ABCB7: variants seen among roughly 807,000 people sequenced by gnomAD.
ABCB7 encodes the protein ATP binding cassette subfamily B member 7.
In ABCB7, 7 loss-of-function variants were observed where a neutral mutation model predicts 54.4. That is an observed-to-expected ratio of 0.13 (90% confidence interval 0.07 to 0.24). The LOEUF (loss-of-function observed/expected upper bound fraction) is 0.24, where lower values mean the gene tolerates loss of function less well. ABCB7 is among the 10% of genes least tolerant of loss of function. The pLI is 1.00. For missense variants in ABCB7, 356 were observed against 570.4 expected, an observed-to-expected ratio of 0.62 and a Z score of 3.83; for synonymous variants, 218 against 207.1, an observed-to-expected ratio of 1.05 and a Z score of -0.45.
intron 1 of ABCB7, among the ~76,000 whole-genome samples, chrX:75,121,155 G>A (rs753191398): frequency 9.1e-6 from 1 of 109,521 alleles, no homozygotes; most frequent in East Asian, 2.9e-4. Flanking sequence ...CAGGTATGGT[G>A]GCATGTGCCT....
intron 4 of ABCB7, among the ~76,000 whole-genome samples, chrX:75,096,783 A>G (rs746718879): frequency 3.1e-4 from 33 of 107,979 alleles, no homozygotes; most frequent in South Asian, 2.0e-3. Context: ...CTGGAATCCT[A>G]CTTTTTTTTT....
At chrX:75,143,939 A>C (rs983806894) in intron 1 of ABCB7, among the ~76,000 whole-genome samples, 2 of 111,289 alleles carry the variant, frequency 1.8e-5, no homozygotes, top group Non-Finnish European at 3.8e-5. Flanking sequence ...ATTTTTATTC[A>C]AATACCCATT....
chrX:75,057,413 A>T (rs1602327113), intron 15 of ABCB7, among the ~76,000 whole-genome samples: 1 of 106,349 alleles, frequency 9.4e-6, no homozygotes. Context: ...TTGGAGACAG[A>T]GTCTCGCTAT....
Position 75,156,010 on chromosome X carries a change from T to C in ABCB7, c.168+95A>G, listed in dbSNP as rs1192187247. ...CTCCCAGTTAGCCATGACTTTCTTC[T>C]TGGTGCTCTCTCTGCCCCGAGGTCA... On this transcript the variant is annotated intron_variant, in intron 1 of 15. Transcript: ENST00000373394. 4 of 1,012,178 alleles carry C rather than the reference T, an allele frequency of 4.0e-6. No individual in the cohort carries two copies. The African/African-American group carries it at 5.7e-5, about 14-fold the overall frequency. 83.4% of individuals were successfully genotyped at this position (1,012,178 alleles called of 1,213,427 possible).
At chrX:75,116,896 G>A (rs1392365808) in intron 1 of ABCB7, among the ~76,000 whole-genome samples, 2 of 110,256 alleles carry the variant, frequency 1.8e-5, no homozygotes, top group Admixed American at 1.9e-4. Flanking sequence ...AGTAATCTTG[G>A]GTCATCCTCA....
intron 6 of ABCB7, among the ~76,000 whole-genome samples, chrX:75,074,999 GA>G (rs201158248): frequency 1.8e-5 from 2 of 108,439 alleles, no homozygotes; most frequent in Non-Finnish European, 3.8e-5. Flanking sequence ...TTGAAACAGA[GA>G]AAAAAAAATA....
At chrX:75,054,206 T>C (rs776838126) in intron 15 of ABCB7, among the ~76,000 whole-genome samples, 1 of 112,297 alleles carries the variant, frequency 8.9e-6, no homozygotes, top group East Asian at 2.8e-4. Context: ...AAAGGACTTC[T>C]GTCACTTTTA....
At position 75,060,306 on chromosome X, in the gene ABCB7, C is replaced by A. The variant is rs1345827225; in HGVS notation, c.1960G>T (p.Val654Leu). The A allele has an allele frequency of 8.3e-7, 1 of 1,208,445 alleles. No individual in the cohort carries two copies. Among genetic ancestry groups the A allele is most frequent in the Non-Finnish European group, 1.1e-6 (1 of 892,582 alleles). Reference sequence around the variant, plus strand: ...AAAATAGAAGTTCTGTGTTTGACCACATCCTTCATGGCACCAAGAATAGTC... The same window carrying A: ...AAAATAGAAGTTCTGTGTTTGACCAAATCCTTCATGGCACCAAGAATAGTC... ...EETILGAMKD[V>L]VKHRTSIFIA... The change falls in exon 15 of 16, where the codon GTG (valine) becomes TTG (leucine). Residue 654 changes from valine (V) to leucine (L), a missense_variant. Transcript: ENST00000373394.
chrX:75,098,818 C>T (rs1397301982), intron 4 of ABCB7, 124 bp downstream of exon 4: 1 of 832,959 alleles, frequency 1.2e-6, no homozygotes, highest in Non-Finnish European at 1.8e-6. Flanking sequence ...ATTATGTAAA[C>T]TAAATGAGGG....
chrX:75,103,746 CCTT>C (rs1429486022), intron 3 of ABCB7, among the ~76,000 whole-genome samples: 1 of 110,275 alleles, frequency 9.1e-6, no homozygotes, highest in African/African-American at 3.3e-5. Flanking sequence ...AGTGGGATTG[CCTT>C]CTTCATTTTC....
chrX:75,068,029 A>G (rs1488548864), intron 12 of ABCB7, among the ~76,000 whole-genome samples: 1 of 111,819 alleles, frequency 8.9e-6, no homozygotes, highest in Non-Finnish European at 1.9e-5. Flanking sequence ...TATGAGATAC[A>G]TATAGATAGT....
intron 6 of ABCB7, among the ~76,000 whole-genome samples, chrX:75,074,210 T>A (rs2081388386): frequency 9.0e-6 from 1 of 111,169 alleles, no homozygotes; most frequent in Non-Finnish European, 1.9e-5. Context: ...ACAAAAAGCC[T>A]AAAGAGGAAT....
At chrX:75,141,449 AT>A (rs1482138705) in intron 1 of ABCB7, among the ~76,000 whole-genome samples, 3 of 110,408 alleles carry the variant, frequency 2.7e-5, no homozygotes, top group African/African-American at 6.6e-5. Flanking sequence ...GGCCTACTGA[AT>A]TTTTTAGACT....
At chrX:75,137,410 A>G (rs1223743744) in intron 1 of ABCB7, among the ~76,000 whole-genome samples, 1 of 112,479 alleles carries the variant, frequency 8.9e-6, no homozygotes, top group Admixed American at 9.4e-5. Context: ...GAGAAAAAGG[A>G]CCATTTATAT....
chrX:75,145,190 A>G (rs952468426), intron 1 of ABCB7, among the ~76,000 whole-genome samples: 1 of 111,403 alleles, frequency 9.0e-6, no homozygotes, highest in Non-Finnish European at 1.9e-5. Context: ...TACTGAAACT[A>G]TTCCAAAAAA....
At chrX:75,104,066 T>TTTTTTTG (rs2081666648) in intron 3 of ABCB7, among the ~76,000 whole-genome samples, 1 of 71,828 alleles carries the variant, frequency 1.4e-5, no homozygotes, top group African/African-American at 5.8e-5. Flanking sequence ...TTTTTTTTTT[T>TTTTTTTG]TTTTTTTTTT....
intron 4 of ABCB7, among the ~76,000 whole-genome samples, chrX:75,077,825 A>C (rs1438341593): frequency 9.0e-6 from 1 of 111,360 alleles, no homozygotes; most frequent in East Asian, 2.8e-4. Context: ...TCCAAAATCT[A>C]ATAGAATATA....
chrX:75,069,212 AT>A, intron 11 of ABCB7, 76 bp from the exon 12 acceptor site: 1 of 1,200,240 alleles, frequency 8.3e-7, no homozygotes, highest in Non-Finnish European at 1.1e-6. Flanking sequence ...CACAGTAATC[AT>A]TTTGATAAAG....
chrX:75,071,512 C>T lies in ABCB7; in HGVS notation c.1204G>A (p.Ala402Thr). Residue 402 changes from alanine (A) to threonine (T), a missense_variant, in exon 9 of 16, where the codon GCA (alanine) becomes ACA (threonine). Coordinates refer to ENST00000373394, the MANE Select transcript of ABCB7 (RefSeq NM_001271696.3). ...IMVLASQGIVAGTLTVGDLVM... is the reference protein window; with the variant it reads ...IMVLASQGIVTGTLTVGDLVM... The stretch of plus-strand genomic sequence containing the variant: ...GTGATAGCCACAGACTCATTACCTG[C>T]CACAATTCCCTGACTGGCGAGCACC... 1 of 1,210,892 alleles carries T rather than the reference C, an allele frequency of 8.3e-7. No individual in the cohort carries two copies. Among genetic ancestry groups the T allele is most frequent in the South Asian group, 1.8e-5 (1 of 56,941 alleles).
Sources: allele counts gnomAD v4.1 joint callset (sites outside exome capture counted in the v4.1 genomes callset), GRCh38; gene constraint gnomAD v4.1.1; transcripts MANE v1.5; gene names NCBI Gene and HGNC (gene_info 2026-07-23, HGNC 2026-07-21).